Variants in CTNNA2 observed in about 807,000 individuals in gnomAD.
The protein encoded by CTNNA2 is catenin alpha-2.
CTNNA2 carries 42 observed loss-of-function variants against 101.0 expected under a neutral mutation model. The observed-to-expected ratio is 0.42, with a 90% confidence interval of 0.32 to 0.54. CTNNA2 has a LOEUF of 0.54. Among genes scored for constraint, CTNNA2 ranks in the 20% least tolerant of loss-of-function variants. The pLI, the probability that CTNNA2 is intolerant of heterozygous loss-of-function variation, is 0.14. For synonymous variants in CTNNA2, 450 were observed against 456.4 expected, an observed-to-expected ratio of 0.99 and a Z score of 0.18; for missense variants, 871 against 1,223.1, an observed-to-expected ratio of 0.71 and a Z score of 4.29.
intron 3 of CTNNA2, among the ~76,000 whole-genome samples, chr2:79,339,183 A>G (rs1025879878): frequency 1.3e-5 from 2 of 152,190 alleles, no homozygotes; most frequent in Non-Finnish European, 2.9e-5. Context: ...CATAAAAAAC[A>G]TGGATACAAA....
intron 4 of CTNNA2, among the ~76,000 whole-genome samples, chr2:79,438,195 G>A (rs772191183): frequency 6.6e-6 from 1 of 152,184 alleles, no homozygotes; most frequent in Non-Finnish European, 1.5e-5. Flanking sequence ...TGGGACCCTG[G>A]CTGGCTGGAA....
chr2:80,152,087 A>C (rs1703738325), intron 7 of CTNNA2, among the ~76,000 whole-genome samples: 1 of 152,242 alleles, frequency 6.6e-6, no homozygotes, highest in Non-Finnish European at 1.5e-5. Context: ...GCAGAGCACT[A>C]TAAAAGGCAG....
intron 2 of CTNNA2, among the ~76,000 whole-genome samples, chr2:79,260,466 C>T (rs934912413): frequency 6.6e-6 from 1 of 152,118 alleles, no homozygotes; most frequent in African/African-American, 2.4e-5. Context: ...GTTTTATTTT[C>T]CTAGTCACTT....
intron 7 of CTNNA2, among the ~76,000 whole-genome samples, chr2:80,099,618 A>G (rs902785338): frequency 1.6e-4 from 25 of 152,146 alleles, no homozygotes; most frequent in Admixed American, 3.9e-4. Flanking sequence ...AGAAGTTCCA[A>G]TGTGGTGTGT....
At chr2:80,488,269 A>G (rs1040707469) in intron 9 of CTNNA2, among the ~76,000 whole-genome samples, 1 of 152,106 alleles carries the variant, frequency 6.6e-6, no homozygotes, top group East Asian at 1.9e-4. Flanking sequence ...TAAATTCATA[A>G]ATTTACCAAA....
intron 7 of CTNNA2, among the ~76,000 whole-genome samples, chr2:80,032,129 G>A (rs956825972): frequency 6.6e-6 from 1 of 152,128 alleles, no homozygotes; most frequent in Non-Finnish European, 1.5e-5. Flanking sequence ...AGGAGACCAA[G>A]GCTAAGATGG....
At chr2:79,499,105 T>A (rs1671290068) in intron 4 of CTNNA2, 1 of 152,156 alleles carries the variant, frequency 6.6e-6, no homozygotes, top group African/African-American at 2.4e-5. Flanking sequence ...TTGTTATAAA[T>A]TACTTTTCTA....
chr2:80,633,583 A>C (rs1672521370), intron 18 of CTNNA2, among the ~76,000 whole-genome samples: 1 of 152,226 alleles, frequency 6.6e-6, no homozygotes, highest in South Asian at 2.1e-4. Flanking sequence ...TTAGGGCAGG[A>C]AAAGCCTATG....
At chr2:80,262,052 A>C (rs1672648723) in intron 7 of CTNNA2, among the ~76,000 whole-genome samples, 1 of 152,206 alleles carries the variant, frequency 6.6e-6, no homozygotes, top group African/African-American at 2.4e-5. Context: ...GATTAATAAC[A>C]ATTGTAAATA....
At chr2:79,338,131 C>T (rs538807542) in intron 3 of CTNNA2, among the ~76,000 whole-genome samples, 1 of 150,920 alleles carries the variant, frequency 6.6e-6, no homozygotes, top group African/African-American at 2.4e-5. Flanking sequence ...GCCTATAATC[C>T]ATTACTCGGG....
chr2:79,684,711 A>C (rs1194842115), intron 2 of CTNNA2, among the ~76,000 whole-genome samples: 1 of 152,226 alleles, frequency 6.6e-6, no homozygotes, highest in South Asian at 2.1e-4. Context: ...TGGAGACGGC[A>C]TAGGGGAGTT....
chr2:79,618,008 T>A lies in CTNNA2; in HGVS notation c.-5-33544T>A, dbSNP rs186142715. On this transcript the variant is annotated intron_variant, in intron 1 of 18. Coordinates refer to ENST00000402739, the MANE Select transcript of CTNNA2 (RefSeq NM_001282597.3). The stretch of plus-strand genomic sequence containing the variant: ...AGGCTCCAGTAAATCCTCCCTCATA[T>A]CTCTTTGATCAGAGAGCTGAGTCAT... 2.1e-3 allele frequency among the ~76,000 whole-genome samples: 314 copies of A among 152,126 alleles called. 3 individuals carry two copies. The highest frequency in any genetic ancestry group is 7.3e-3 in the African/African-American group (301 of 41,496).
At chr2:80,052,761 G>T (rs915454771) in intron 7 of CTNNA2, among the ~76,000 whole-genome samples, 1 of 152,150 alleles carries the variant, frequency 6.6e-6, no homozygotes, top group African/African-American at 2.4e-5. Context: ...ACAGATAGAA[G>T]CAGTTTGCAT....
intron 2 of CTNNA2, among the ~76,000 whole-genome samples, chr2:79,729,549 A>T (rs923752964): frequency 1.3e-5 from 2 of 152,132 alleles, no homozygotes; most frequent in African/African-American, 4.8e-5. Flanking sequence ...AAATGCTAAT[A>T]CCAGTTTTAA....
chr2:80,101,125 G>A (rs1700516382), intron 7 of CTNNA2, among the ~76,000 whole-genome samples: 1 of 152,008 alleles, frequency 6.6e-6, no homozygotes, highest in Admixed American at 6.5e-5. Context: ...ACTTTTTTGA[G>A]AAATATCTAG....
At chr2:80,466,873 C>A (rs1684900879) in intron 9 of CTNNA2, among the ~76,000 whole-genome samples, 1 of 152,146 alleles carries the variant, frequency 6.6e-6, no homozygotes, top group Non-Finnish European at 1.5e-5. Context: ...ATAATAGATA[C>A]CTTGCATTGT....
intron 7 of CTNNA2, among the ~76,000 whole-genome samples, chr2:80,265,370 C>T (rs1347227509): frequency 6.6e-6 from 1 of 152,090 alleles, no homozygotes; most frequent in Non-Finnish European, 1.5e-5. Flanking sequence ...GAGTGGTTCT[C>T]AAGCAGGGGA....
chr2:79,920,793 T>A (rs185309615), intron 7 of CTNNA2, among the ~76,000 whole-genome samples: 1 of 152,314 alleles, frequency 6.6e-6, no homozygotes, highest in Admixed American at 6.5e-5. Flanking sequence ...GATAGAATGA[T>A]CCCAGTAACT....
intron 7 of CTNNA2, among the ~76,000 whole-genome samples, chr2:80,155,356 C>T (rs1252839167): frequency 3.3e-5 from 5 of 152,262 alleles, no homozygotes; most frequent in South Asian, 2.1e-4. Context: ...TAATTTGTTG[C>T]GTACAACTCA....
Sources: gnomAD v4.1 joint callset for allele counts (sites outside exome capture counted in the v4.1 genomes callset) on GRCh38, gnomAD v4.1.1 for gene constraint, MANE v1.5 for transcripts, NCBI Gene and HGNC (gene_info 2026-07-23, HGNC 2026-07-21) for gene names.